The following RFTN1 variants were observed in gnomAD, a reference collection of about 807,000 sequenced individuals.
RFTN1 encodes raftlin, lipid raft linker 1.
RFTN1 carries 26 observed loss-of-function variants against 46.5 expected under a neutral mutation model. The observed-to-expected ratio is 0.56, with a 90% CI of 0.41 to 0.78. RFTN1 has a LOEUF of 0.78. Among genes scored for constraint, RFTN1 ranks in the 30% least tolerant of loss-of-function variants. The pLI, the probability that RFTN1 is intolerant of heterozygous loss-of-function variation, is 0.00. For missense variants in RFTN1, 693 were observed against 718.7 expected (o/e 0.96, Z 0.41); for synonymous variants, 261 against 284.2 (o/e 0.92, Z 0.82).
rs1434442443 is a variant in RFTN1, at chr3:16,402,380, C to T, written c.441+6995G>A. 6.6e-6 allele frequency among the ~76,000 whole-genome samples: 1 copy of T among 152,186 alleles called. No homozygotes were observed. The highest frequency in any genetic ancestry group is 1.5e-5 in the Non-Finnish European group (1 of 68,026). Reference sequence around the variant, plus strand: ...CTGTCTTCCACTCTGAAGACACACTCATTGCTGGGATGACACTCCATTTTC... The same window carrying T: ...CTGTCTTCCACTCTGAAGACACACTTATTGCTGGGATGACACTCCATTTTC... On this transcript the variant is annotated intron_variant, in intron 4 of 9. Transcript: ENST00000334133. This position sits in a 1 kb window ranked among gnomAD's most constrained non-coding sequence, Gnocchi z 4.5.
At chr3:16,469,636 A>G (rs963663681) in intron 2 of RFTN1, among the ~76,000 whole-genome samples, 19 of 152,254 alleles carry the variant, frequency 1.2e-4, no homozygotes, top group African/African-American at 4.6e-4. Context: ...GGAAGGGGGG[A>G]AGAGAGAGGA....
At chr3:16,333,772 C>G (rs777640817) in intron 7 of RFTN1, among the ~76,000 whole-genome samples, 2 of 151,712 alleles carry the variant, frequency 1.3e-5, no homozygotes, top group Non-Finnish European at 2.9e-5. Context: ...TCCAATAATC[C>G]AAATTTTAAA....
rs2076345920 is a variant in RFTN1 at position 16,480,371 on chromosome 3, C to T, written c.145+13354G>A. ...AATGAGGCTGTCAAACTAATGTGTA[C>T]TCCTCCTGATAAATCATGTGTATGT... On this transcript the variant is annotated intron_variant, in intron 2 of 9. Transcript: ENST00000334133. This position sits in a 1 kb window ranked among gnomAD's most constrained non-coding sequence, Gnocchi z 4.3. Among the ~76,000 whole-genome samples the T allele has an allele frequency of 6.6e-6, 1 of 152,192 alleles. No individual in the cohort carries two copies. Among genetic ancestry groups the T allele is most frequent in the South Asian group, 2.1e-4 (1 of 4,826 alleles).
intron 5 of RFTN1, among the ~76,000 whole-genome samples, chr3:16,375,005 C>T (rs1180161580): frequency 1.3e-5 from 2 of 152,166 alleles, no homozygotes; most frequent in East Asian, 3.9e-4. Context: ...TCCCCAAGGC[C>T]TCCTATAAAG....
chr3:16,368,129 G>C (rs1160636304), intron 6 of RFTN1, among the ~76,000 whole-genome samples: 1 of 150,366 alleles, frequency 6.7e-6, no homozygotes. Flanking sequence ...GTCCCTGCAG[G>C]AAACAGGGAG....
At position 16,409,370 on chromosome 3, in the gene RFTN1, C is replaced by T; in HGVS notation, c.441+5G>A. Reference sequence around the variant, plus strand: ...CTTCAATGGTACCCTGACTGTAGCGCTCACCTTCTTAATGAACTCTGGGAT... The same window carrying T: ...CTTCAATGGTACCCTGACTGTAGCGTTCACCTTCTTAATGAACTCTGGGAT... On this transcript the variant is annotated splice_donor_5th_base_variant and intron_variant, in intron 4 of 9. Transcript: ENST00000334133. 6.3e-7 allele frequency: 1 copy of T among 1,592,632 alleles called. No individual in the cohort carries two copies. Among genetic ancestry groups the T allele is most frequent in the Non-Finnish European group, 8.6e-7 (1 of 1,160,632 alleles).
At chr3:16,434,304 G>A (rs975914791) in intron 2 of RFTN1, among the ~76,000 whole-genome samples, 2 of 152,062 alleles carry the variant, frequency 1.3e-5, no homozygotes, top group South Asian at 2.1e-4. Flanking sequence ...CAGATGGATC[G>A]CTTGAGCCGA....
chr3:16,402,362 C>G lies in RFTN1; in HGVS notation c.441+7013G>C, dbSNP rs2074626878. Among the ~76,000 whole-genome samples the G allele has an allele frequency of 6.6e-6, 1 of 152,212 alleles. No individual in the cohort carries two copies. The highest frequency in any genetic ancestry group is 2.4e-5 in the African/African-American group (1 of 41,440). ...GCGCCAGCCGCCAGCTCACTGTCTT[C>G]CACTCTGAAGACACACTCATTGCTG... On this transcript the variant is annotated intron_variant, in intron 4 of 9. Transcript: ENST00000334133. The surrounding 1 kb of genome is among the most constrained non-coding windows in gnomAD (Gnocchi z 4.5).
rs1317657152 is a variant in RFTN1, at chr3:16,496,980, A to T, written c.-8-3103T>A. ...GGGGTGGGGGCAGCCAGACACAAAA[A>T]GTACATTCTTTCTTACTCCCGTTAT... On this transcript the variant is annotated intron_variant, in intron 1 of 9. Transcript: ENST00000334133. Among the ~76,000 whole-genome samples, 4 of 152,358 alleles carry T rather than the reference A, an allele frequency of 2.6e-5. No individual in the cohort carries two copies. The East Asian group carries it at 7.7e-4, about 29-fold the overall frequency.
chr3:16,391,882 G>GTTTTTTTTTTTTTTTTTTT (rs1295347779), intron 4 of RFTN1, among the ~76,000 whole-genome samples: 2 of 23,446 alleles, frequency 8.5e-5, no homozygotes, highest in South Asian at 9.8e-4. Context: ...TTTTTTTTTT[G>GTTTTTTTTTTTTTTTTTTT]TTTTTTTTTT....
Position 16,324,012 on chromosome 3 carries a change from C to T in RFTN1, c.1251-555G>A, listed in dbSNP as rs1050160744. The stretch of plus-strand genomic sequence containing the variant: ...GCTCACATGCGAGGGAGGGGCGACT[C>T]GTATCTTACAATACAGTGAATTCTC... On this transcript the variant is annotated intron_variant, in intron 8 of 9. Coordinates refer to ENST00000334133, the MANE Select transcript of RFTN1 (RefSeq NM_015150.2). 5.3e-5 allele frequency among the ~76,000 whole-genome samples: 8 copies of T among 152,232 alleles called. No homozygotes were observed. The South Asian group carries it at 1.0e-3, about 20-fold the overall frequency.
In RFTN1 at chr3:16,451,348, C is replaced by T. The variant is rs2075820679; in HGVS notation, c.146-17311G>A. The stretch of plus-strand genomic sequence containing the variant: ...TTCCTTCCAGGACACATGGTAGATG[C>T]CCCTGCATGCTGGACACGAAGTCTA... On this transcript the variant is annotated intron_variant, in intron 2 of 9. Transcript: ENST00000334133. The surrounding 1 kb of genome is among the most constrained non-coding windows in gnomAD (Gnocchi z 4.2). Among the ~76,000 whole-genome samples, 1 of 152,176 alleles carries T rather than the reference C, an allele frequency of 6.6e-6. No homozygotes were observed. Among genetic ancestry groups the T allele is most frequent in the South Asian group, 2.1e-4 (1 of 4,816 alleles).
intron 7 of RFTN1, among the ~76,000 whole-genome samples, chr3:16,343,204 C>T (rs977681476): frequency 5.9e-5 from 9 of 152,130 alleles, no homozygotes; most frequent in Non-Finnish European, 7.4e-5. Flanking sequence ...GGAACCACTG[C>T]GCTAGTCCTT....
In RFTN1 at chr3:16,435,662, A is replaced by G. The variant is rs144192724; in HGVS notation, c.146-1625T>C. On this transcript the variant is annotated intron_variant, in intron 2 of 9. Coordinates refer to ENST00000334133, the MANE Select transcript of RFTN1 (RefSeq NM_015150.2). ...AGTGCTTTCTCATTCTTTTCTACAG[A>G]TCCATTGTGTGATATACCATGGAGT... Among the ~76,000 whole-genome samples the G allele has an allele frequency of 1.5e-4, 23 of 152,234 alleles. 1 individual carries two copies. In the East Asian group the frequency reaches 4.4e-3, roughly 29 times the overall value.
At chr3:16,391,882 G>GTT (rs1295347779) in intron 4 of RFTN1, among the ~76,000 whole-genome samples, 1 of 23,446 alleles carries the variant, frequency 4.3e-5, no homozygotes, top group Non-Finnish European at 8.5e-5. Flanking sequence ...TTTTTTTTTT[G>GTT]TTTTTTTTTT....
intron 7 of RFTN1, among the ~76,000 whole-genome samples, chr3:16,328,723 G>A (rs776173193): frequency 3.3e-5 from 5 of 152,128 alleles, no homozygotes; most frequent in Admixed American, 6.5e-5. Context: ...GTAGGGCCCC[G>A]GAATCTGTGT....
chr3:16,375,079 T>C (rs2073705236), intron 5 of RFTN1, among the ~76,000 whole-genome samples: 1 of 152,084 alleles, frequency 6.6e-6, no homozygotes, highest in South Asian at 2.1e-4. Flanking sequence ...TTTTTTTAAT[T>C]GTCTTGCTGT....
chr3:16,333,428 T>C (rs944758912), intron 7 of RFTN1, among the ~76,000 whole-genome samples: 7 of 152,244 alleles, frequency 4.6e-5, no homozygotes, highest in Non-Finnish European at 8.8e-5. Context: ...AGTAAGCAGA[T>C]GAATTTGCAA....
intron 8 of RFTN1, 129 bp from the exon 9 acceptor site, chr3:16,323,586 G>A (rs947470082): frequency 3.2e-5 from 20 of 625,708 alleles, no homozygotes; most frequent in Admixed American, 2.9e-4. Context: ...TAGAAGAGAC[G>A]CCTGCTCTAC....
Sources: allele counts gnomAD v4.1 joint callset (sites outside exome capture counted in the v4.1 genomes callset), GRCh38; gene constraint gnomAD v4.1.1; non-coding constraint Gnocchi (gnomAD v3.1); transcripts MANE v1.5; gene names NCBI Gene and HGNC (gene_info 2026-07-23, HGNC 2026-07-21).